MAPK8IP3: variants seen among roughly 807,000 people sequenced by gnomAD.
The protein encoded by MAPK8IP3 is C-Jun-amino-terminal kinase-interacting protein 3.
In MAPK8IP3, 49 loss-of-function variants were observed where a neutral mutation model predicts 157.8. The observed-to-expected ratio is 0.31, with a 90% confidence interval of 0.25 to 0.39. The LOEUF is 0.39. Among genes scored for constraint, MAPK8IP3 ranks in the 10% least tolerant of loss-of-function variants. MAPK8IP3 has a pLI of 1.00. For synonymous variants in MAPK8IP3, 897 were observed against 777.7 expected (o/e 1.15, Z -2.55); for missense variants, 1,478 against 1,889.4 (o/e 0.78, Z 4.04).
rs751519400 is a variant in MAPK8IP3 at position 1,748,838 on chromosome 16, T to A, written c.1216+118T>A. 5.4e-6 allele frequency: 5 copies of A among 921,248 alleles called. No individual in the cohort carries two copies. In the African/African-American group the frequency reaches 6.5e-5, roughly 12 times the overall value. The allele number at this position is 921,248 out of a possible 1,614,324, so 57.1% of individuals were successfully genotyped here. On this transcript the variant is annotated intron_variant, in intron 8 of 31. Coordinates refer to ENST00000610761, the MANE Select transcript of MAPK8IP3 (RefSeq NM_001318852.2). ...TCAGCTGTGAGCTAGGAACCTTTTT[T>A]TTTCCAGCTTTGTTGAGTTGCGTTT...
At chr16:1,733,087 G>A (rs1260832135) in intron 4 of MAPK8IP3, among the ~76,000 whole-genome samples, 4 of 152,316 alleles carry the variant, frequency 2.6e-5, no homozygotes, top group East Asian at 1.9e-4. Context: ...ACCTGGACCC[G>A]GGATCTTTGT....
At chr16:1,719,454 T>C (rs1167895003) in intron 1 of MAPK8IP3, among the ~76,000 whole-genome samples, 1 of 151,950 alleles carries the variant, frequency 6.6e-6, no homozygotes, top group African/African-American at 2.4e-5. Context: ...AAAAGGAAGA[T>C]GTAAGAGGGA....
chr16:1,725,528 G>A (rs1269795604), intron 2 of MAPK8IP3, among the ~76,000 whole-genome samples: 2 of 151,628 alleles, frequency 1.3e-5, no homozygotes, highest in African/African-American at 2.4e-5. Context: ...TCGGGCAACT[G>A]AGGCAGGAAG....
intron 17 of MAPK8IP3, 97 bp from the exon 18 acceptor site, chr16:1,764,018 G>A (rs2974846): frequency 1.6e-6 from 2 of 1,269,278 alleles, no homozygotes; most frequent in Non-Finnish European, 1.1e-6. Context: ...TGAAGTGGCT[G>A]TGCCGCCAGA....
At chr16:1,761,149 C>G (rs1244540646) in intron 12 of MAPK8IP3, 75 bp from the exon 13 acceptor site, 2 of 1,170,378 alleles carry the variant, frequency 1.7e-6, no homozygotes, top group African/African-American at 3.0e-5. Context: ...AGGTTCGGGG[C>G]GGGCACTGCC....
At position 1,762,666 on chromosome 16, in the gene MAPK8IP3, C is replaced by T. The variant is rs768102150; in HGVS notation, c.1671-9C>T. On this transcript the variant is annotated splice_polypyrimidine_tract_variant and intron_variant, in intron 14 of 31. Coordinates refer to ENST00000610761, the MANE Select transcript of MAPK8IP3 (RefSeq NM_001318852.2). ...ACTAGCAGGTTGCTCCCTGTGCCCTCCCCTGCAGAGCGTCCCGAGAGCACC... is the reference window on the plus strand; with the variant it reads ...ACTAGCAGGTTGCTCCCTGTGCCCTTCCCTGCAGAGCGTCCCGAGAGCACC... The T allele has an allele frequency of 2.4e-5, 37 of 1,547,958 alleles. No individual in the cohort carries two copies. The highest frequency in any genetic ancestry group is 3.1e-5 in the Non-Finnish European group (36 of 1,145,384).
chr16:1,767,500 G>T, intron 26 of MAPK8IP3, 64 bp from the exon 27 acceptor site: 1 of 1,573,552 alleles, frequency 6.4e-7, no homozygotes, highest in Non-Finnish European at 8.6e-7. Context: ...GCTGTGGCAG[G>T]TTTGGGGCTC....
At position 1,767,732 on chromosome 16, in the gene MAPK8IP3, C is replaced by G; in HGVS notation, c.3406C>G (p.Leu1136Val). Reference protein sequence around the residue: ...VDIEPYVSKMLGTGKLGFSFV... With the variant: ...VDIEPYVSKMVGTGKLGFSFV... ...CATTGAGCCCTACGTCAGCAAGATGCTAGGTGAGGGGCCACGCCAGATGGG... is the reference window on the plus strand; with the variant it reads ...CATTGAGCCCTACGTCAGCAAGATGGTAGGTGAGGGGCCACGCCAGATGGG... The change falls in exon 27 of 32, where the codon CTA (leucine) becomes GTA (valine). Residue 1136 changes from leucine to valine, a missense_variant. Leu to Val is a conservative substitution (Grantham distance 32, BLOSUM62 1). Around this residue, in one of 11 missense-constraint regions of MAPK8IP3, gnomAD observed 68 missense variants for 125.1 expected, o/e 0.54. Transcript: ENST00000610761. 6.2e-7 allele frequency: 1 copy of G among 1,612,632 alleles called. No individual in the cohort carries two copies. Among genetic ancestry groups the G allele is most frequent in the Non-Finnish European group, 8.5e-7 (1 of 1,179,886 alleles).
chr16:1,726,415 C>T (rs1333812150), intron 2 of MAPK8IP3, among the ~76,000 whole-genome samples: 1 of 152,170 alleles, frequency 6.6e-6, no homozygotes, highest in Non-Finnish European at 1.5e-5. Context: ...TGGCTCACAC[C>T]CATAACTTCC....
intron 8 of MAPK8IP3, among the ~76,000 whole-genome samples, chr16:1,749,693 G>C (rs1045729170): frequency 6.6e-6 from 1 of 152,250 alleles, no homozygotes; most frequent in Non-Finnish European, 1.5e-5. Context: ...CACGCGTCAG[G>C]GTCCGAGCCT....
chr16:1,721,221 TA>T (rs1484355397), intron 1 of MAPK8IP3, among the ~76,000 whole-genome samples: 1 of 150,096 alleles, frequency 6.7e-6, no homozygotes, highest in Non-Finnish European at 1.5e-5. Context: ...TAATCCCAAC[TA>T]CTCGGGAGGC....
At chr16:1,726,925 A>C (rs1051731804) in intron 2 of MAPK8IP3, among the ~76,000 whole-genome samples, 1 of 152,216 alleles carries the variant, frequency 6.6e-6, no homozygotes, top group African/African-American at 2.4e-5. Flanking sequence ...GCAGCCAGTT[A>C]CATGTGTGCA....
intron 3 of MAPK8IP3, 95 bp from the exon 4 acceptor site, chr16:1,729,392 T>A: frequency 3.0e-6 from 4 of 1,351,230 alleles, no homozygotes. Flanking sequence ...TCTTGATTTC[T>A]GCCTGCACAG....
Position 1,706,770 on chromosome 16 carries a change from CG to C in MAPK8IP3, c.318+116del. On this transcript the variant is annotated intron_variant, in intron 1 of 31. Coordinates refer to ENST00000610761, the MANE Select transcript of MAPK8IP3 (RefSeq NM_001318852.2). The surrounding 1 kb of genome is among the most constrained non-coding windows in gnomAD (Gnocchi z 5.1). ...GACCCCGCTCCGGCACCCCGGACCG[CG>C]GGACCCCTGGACCCCCAGACCCCGC... The C allele has an allele frequency of 8.1e-7, 1 of 1,232,950 alleles. No homozygotes were observed. Among genetic ancestry groups the C allele is most frequent in the Non-Finnish European group, 1.1e-6 (1 of 924,496 alleles). The allele number at this position is 1,232,950 out of a possible 1,614,324, so 76.4% of individuals were successfully genotyped here. A position where few individuals can be genotyped will look rare whatever the true frequency, so the allele number is the denominator to read the frequency against.
chr16:1,722,268 T>C (rs1391110971), intron 1 of MAPK8IP3, among the ~76,000 whole-genome samples: 1 of 152,186 alleles, frequency 6.6e-6, no homozygotes, highest in Non-Finnish European at 1.5e-5. Context: ...TAACACAGAC[T>C]CTTCCTGCTG....
At chr16:1,736,549 CGT>C (rs1461878014) in intron 4 of MAPK8IP3, among the ~76,000 whole-genome samples, 4 of 62,446 alleles carry the variant, frequency 6.4e-5, no homozygotes, top group Admixed American at 2.7e-4. Flanking sequence ...TCCGTGTGAG[CGT>C]GTGACTGTCC....
At chr16:1,707,345 C>A (rs2037468644) in intron 1 of MAPK8IP3, 1 of 152,256 alleles carries the variant, frequency 6.6e-6, no homozygotes, top group South Asian at 2.1e-4. Context: ...AAGGAACACT[C>A]GAGTTTCTGG....
chr16:1,720,583 C>G (rs2038450061), intron 1 of MAPK8IP3, among the ~76,000 whole-genome samples: 1 of 152,188 alleles, frequency 6.6e-6, no homozygotes, highest in African/African-American at 2.4e-5. Context: ...AATCCAGAAG[C>G]ACGTCACACA....
rs199722870 is a variant in MAPK8IP3 at position 1,748,761 on chromosome 16, T to C, written c.1216+41T>C. ...CCCCCGCACCGCTGTGCCTGCACAA[T>C]GCTGGGGCTTTCTGCTGTTGGTTTT... On this transcript the variant is annotated intron_variant, in intron 8 of 31. Coordinates refer to ENST00000610761, the MANE Select transcript of MAPK8IP3 (RefSeq NM_001318852.2). 57 of 1,520,612 alleles carry C rather than the reference T, an allele frequency of 3.7e-5. No individual in the cohort carries two copies. In the African/African-American group the frequency reaches 7.4e-4, roughly 20 times the overall value. 94.2% of individuals were successfully genotyped at this position (1,520,612 alleles called of 1,614,324 possible).
Sources: allele counts gnomAD v4.1 joint callset (sites outside exome capture counted in the v4.1 genomes callset), GRCh38; gene constraint gnomAD v4.1.1; regional missense constraint gnomAD v4.1.1; non-coding constraint Gnocchi (gnomAD v3.1); transcripts MANE v1.5; gene names NCBI Gene and HGNC (gene_info 2026-07-23, HGNC 2026-07-21).